The following RIMS1 variants were observed in gnomAD, a reference collection of about 807,000 sequenced individuals.
The protein encoded by RIMS1 is regulating synaptic membrane exocytosis 1.
Under a neutral mutation model 214.1 loss-of-function variants are expected in RIMS1, and 83 were observed. The observed-to-expected ratio is 0.39, with a 90% CI of 0.32 to 0.47. The LOEUF (loss-of-function observed/expected upper bound fraction) is 0.47. Ranked by LOEUF, RIMS1 falls within the 20% of genes least tolerant of loss-of-function variation. RIMS1 has a pLI of 0.99. For missense variants in RIMS1, 2,050 were observed against 2,161.8 expected, an observed-to-expected ratio of 0.95 and a Z score of 1.03; for synonymous variants, 793 against 786.8, an observed-to-expected ratio of 1.01 and a Z score of -0.13.
At chr6:72,204,672 G>A (rs1199588536) in intron 6 of RIMS1, among the ~76,000 whole-genome samples, 1 of 152,148 alleles carries the variant, frequency 6.6e-6, no homozygotes, top group Non-Finnish European at 1.5e-5. Context: ...AGCATAAACG[G>A]AGAAATCATC....
chr6:72,400,845 A>G lies in RIMS1; in HGVS notation c.*131A>G, dbSNP rs908087551. On this transcript the variant is annotated 3_prime_UTR_variant, in exon 34 of 34. Coordinates refer to ENST00000521978, the MANE Select transcript of RIMS1 (RefSeq NM_014989.7). ...GTGTTTTGCCTGTAGTAGTTTTTCA[A>G]TAATATGTCCCAATTGTTATTTAAA... 5.9e-6 allele frequency: 4 copies of G among 682,400 alleles called. No homozygotes were observed. In the Admixed American group the frequency reaches 1.1e-4, roughly 20 times the overall value. 42.3% of individuals were successfully genotyped at this position (682,400 alleles called of 1,614,324 possible).
chr6:72,130,260 A>C (rs1009125599), intron 4 of RIMS1, among the ~76,000 whole-genome samples: 2 of 152,064 alleles, frequency 1.3e-5, no homozygotes, highest in Non-Finnish European at 2.9e-5. Flanking sequence ...ATTTACTTTT[A>C]TGTGGTGTAA....
chr6:72,037,753 C>T (rs1820078800), intron 2 of RIMS1, among the ~76,000 whole-genome samples: 1 of 151,788 alleles, frequency 6.6e-6, no homozygotes, highest in Non-Finnish European at 1.5e-5. Flanking sequence ...CAATAGTAGG[C>T]TTTTTTATGT....
chr6:72,340,981 C>T (rs2097063505), intron 29 of RIMS1, among the ~76,000 whole-genome samples: 1 of 151,916 alleles, frequency 6.6e-6, no homozygotes, highest in Admixed American at 6.6e-5. Context: ...TGTAGTTCTC[C>T]TTGAAGAGGT....
At chr6:71,939,211 A>G (rs1474452229) in intron 1 of RIMS1, among the ~76,000 whole-genome samples, 1 of 152,200 alleles carries the variant, frequency 6.6e-6, no homozygotes, top group Admixed American at 6.5e-5. Context: ...CTGCGATGTC[A>G]TAAGAATGGC....
chr6:72,389,314 C>T (rs1161633783), intron 29 of RIMS1, among the ~76,000 whole-genome samples: 4 of 152,072 alleles, frequency 2.6e-5, no homozygotes, highest in Admixed American at 2.0e-4. Flanking sequence ...ATTTCTGTAA[C>T]ATTTAAATAT....
chr6:72,329,847 G>A (rs938735249), intron 28 of RIMS1, among the ~76,000 whole-genome samples: 2 of 151,660 alleles, frequency 1.3e-5, no homozygotes, highest in South Asian at 2.1e-4. Flanking sequence ...TTTTTTGAGG[G>A]TTGAACACTT....
intron 28 of RIMS1, among the ~76,000 whole-genome samples, chr6:72,320,386 A>G (rs2096080577): frequency 6.6e-6 from 1 of 152,182 alleles, no homozygotes; most frequent in Non-Finnish European, 1.5e-5. Context: ...GAAGTAGTTT[A>G]TTTTTAAAAA....
chr6:72,186,727 T>G (rs1206227683), intron 6 of RIMS1, among the ~76,000 whole-genome samples: 2 of 152,042 alleles, frequency 1.3e-5, no homozygotes, highest in African/African-American at 4.8e-5. Flanking sequence ...ATATTATAAT[T>G]TAAGAATTAC....
chr6:72,377,817 T>A (rs1352237070), intron 29 of RIMS1, among the ~76,000 whole-genome samples: 2 of 152,194 alleles, frequency 1.3e-5, no homozygotes, highest in Non-Finnish European at 2.9e-5. Context: ...TTACACAAAC[T>A]TTGCCTTTAG....
chr6:72,350,993 A>T (rs182211081), intron 29 of RIMS1, among the ~76,000 whole-genome samples: 57 of 152,262 alleles, frequency 3.7e-4, no homozygotes, highest in Non-Finnish European at 7.4e-5. Flanking sequence ...ATAAATTTTA[A>T]TATATTCTTA....
At chr6:72,160,242 T>C (rs1322385901) in intron 4 of RIMS1, among the ~76,000 whole-genome samples, 2 of 26,314 alleles carry the variant, frequency 7.6e-5, no homozygotes, top group African/African-American at 2.1e-4. Context: ...TTTTGTATCC[T>C]GAGACTGCTG....
intron 2 of RIMS1, among the ~76,000 whole-genome samples, chr6:71,971,339 GATA>G (rs1795807072): frequency 6.6e-6 from 1 of 152,146 alleles, no homozygotes; most frequent in South Asian, 2.1e-4. Context: ...GTCAGGGAAA[GATA>G]ATAAGGTCTC....
chr6:72,337,088 TAGAA>T (rs565178021), intron 29 of RIMS1, among the ~76,000 whole-genome samples: 3 of 151,910 alleles, frequency 2.0e-5, no homozygotes, highest in East Asian at 3.9e-4. Context: ...TCAATATAGA[TAGAA>T]AGGGTATGAC....
At chr6:72,347,914 T>C (rs746765472) in intron 29 of RIMS1, among the ~76,000 whole-genome samples, 1 of 151,928 alleles carries the variant, frequency 6.6e-6, no homozygotes, top group Non-Finnish European at 1.5e-5. Flanking sequence ...CAAAATGAAC[T>C]CCGAAGTAAA....
At chr6:71,970,948 T>A (rs888745686) in intron 2 of RIMS1, among the ~76,000 whole-genome samples, 7 of 152,178 alleles carry the variant, frequency 4.6e-5, no homozygotes, top group African/African-American at 1.7e-4. Context: ...AGATCAGTAT[T>A]TTTAAATTTG....
intron 26 of RIMS1, among the ~76,000 whole-genome samples, chr6:72,292,332 A>T (rs1459169177): frequency 2.0e-5 from 3 of 152,192 alleles, no homozygotes; most frequent in Non-Finnish European, 1.5e-5. Context: ...AAGGAAAAAA[A>T]TAAAATTTAA....
chr6:72,111,006 T>C (rs1437992576), intron 4 of RIMS1, among the ~76,000 whole-genome samples: 1 of 152,352 alleles, frequency 6.6e-6, no homozygotes, highest in Non-Finnish European at 1.5e-5. Flanking sequence ...TTAGCACTTC[T>C]TGTGTTTCCA....
chr6:72,375,428 T>G (rs1179482732), intron 29 of RIMS1, among the ~76,000 whole-genome samples: 2 of 152,228 alleles, frequency 1.3e-5, no homozygotes, highest in African/African-American at 4.8e-5. Context: ...ATAACTTTTT[T>G]TTTAAGTTTT....
Sources: allele counts gnomAD v4.1 joint callset (sites outside exome capture counted in the v4.1 genomes callset), GRCh38; gene constraint gnomAD v4.1.1; transcripts MANE v1.5; gene names NCBI Gene and HGNC (gene_info 2026-07-23, HGNC 2026-07-21).